Variants in C4BPA observed in about 807,000 individuals in gnomAD.
C4BPA encodes the protein complement component 4 binding protein alpha, also known as C4b-binding protein alpha chain.
Under a neutral mutation model 63.7 loss-of-function variants are expected in C4BPA, and 31 were observed. The observed-to-expected ratio is 0.49, with a 90% CI of 0.37 to 0.66. C4BPA has a LOEUF of 0.66. Among genes scored for constraint, C4BPA ranks in the 30% least tolerant of loss-of-function variants. C4BPA has a pLI of 0.00. For synonymous variants in C4BPA, 259 were observed against 254.7 expected, an observed-to-expected ratio of 1.02 and a Z score of -0.16; for missense variants, 572 against 723.3, an observed-to-expected ratio of 0.79 and a Z score of 2.40.
intron 9 of C4BPA, among the ~76,000 whole-genome samples, chr1:207,134,971 AG>A (rs1294953898): frequency 1.3e-5 from 2 of 152,202 alleles, no homozygotes; most frequent in African/African-American, 4.8e-5. Context: ...CTCAAACAGC[AG>A]CCTTCTGTTA....
intron 1 of C4BPA, among the ~76,000 whole-genome samples, chr1:207,109,096 G>A (rs1684615614): frequency 6.6e-6 from 1 of 152,110 alleles, no homozygotes; most frequent in Non-Finnish European, 1.5e-5. Context: ...TGAGGGCAAG[G>A]GAAGACAAAG....
chr1:207,135,245 G>A (rs1286328681), intron 9 of C4BPA, among the ~76,000 whole-genome samples: 2 of 152,184 alleles, frequency 1.3e-5, no homozygotes, highest in East Asian at 1.9e-4. Flanking sequence ...GGCTGAGGCA[G>A]GAGAATCACT....
rs572691165 is a variant in C4BPA, at chr1:207,110,082, G to C, written c.-25-2919G>C. Among the ~76,000 whole-genome samples the C allele has an allele frequency of 2.6e-5, 4 of 152,328 alleles. No individual in the cohort carries two copies. In the East Asian group the frequency reaches 7.7e-4, roughly 29 times the overall value. On this transcript the variant is annotated intron_variant, in intron 1 of 11. Coordinates refer to ENST00000367070, the MANE Select transcript of C4BPA (RefSeq NM_000715.4). The stretch of plus-strand genomic sequence containing the variant: ...TATTGTGGGGCAGAAATAAATGGGA[G>C]CATACTCTGTCATTTCAAGGATCTT...
At chr1:207,105,779 C>T (rs1022714166) in intron 1 of C4BPA, among the ~76,000 whole-genome samples, 5 of 152,076 alleles carry the variant, frequency 3.3e-5, no homozygotes, top group African/African-American at 1.2e-4. Flanking sequence ...AAAGTAACTT[C>T]TCATGGAAGG....
At chr1:207,107,905 A>T (rs1025690739) in intron 1 of C4BPA, among the ~76,000 whole-genome samples, 4 of 152,188 alleles carry the variant, frequency 2.6e-5, no homozygotes, top group Admixed American at 2.6e-4. Context: ...GACTCTGAAT[A>T]GTGCAAGGAG....
chr1:207,128,234 C>G (rs1639983371), intron 7 of C4BPA, among the ~76,000 whole-genome samples: 1 of 152,214 alleles, frequency 6.6e-6, no homozygotes, highest in Non-Finnish European at 1.5e-5. Flanking sequence ...TTCTCCCCAG[C>G]TCTGCGCTGT....
At position 207,144,536 on chromosome 1, in the gene C4BPA, T is replaced by C. The variant is rs1685490476; in HGVS notation, c.1621-8T>C. ...TTCTCAATCACACCCACCACTTATA[T>C]CTTTTAGGAGACCCCCGAAGGCTGT... On this transcript the variant is annotated splice_polypyrimidine_tract_variant and splice_region_variant and intron_variant, in intron 11 of 11. Coordinates refer to ENST00000367070, the MANE Select transcript of C4BPA (RefSeq NM_000715.4). 3 of 1,591,630 alleles carry C rather than the reference T, an allele frequency of 1.9e-6. No homozygotes were observed. Among genetic ancestry groups the C allele is most frequent in the African/African-American group, 1.4e-5 (1 of 73,442 alleles).
chr1:207,108,609 C>T (rs960697349), intron 1 of C4BPA, among the ~76,000 whole-genome samples: 2 of 152,016 alleles, frequency 1.3e-5, no homozygotes, highest in South Asian at 2.1e-4. Context: ...AAAACTTACA[C>T]GGAGGAAGGA....
At chr1:207,121,920 T>C (rs547540068) in intron 4 of C4BPA, among the ~76,000 whole-genome samples, 26 of 152,294 alleles carry the variant, frequency 1.7e-4, no homozygotes, top group African/African-American at 6.3e-4. Context: ...AACATTAATG[T>C]GAAATATTCA....
chr1:207,118,236 T>TATCTATC (rs1553256061), intron 4 of C4BPA, among the ~76,000 whole-genome samples: 75 of 150,176 alleles, frequency 5.0e-4, no homozygotes, highest in African/African-American at 1.7e-3. Context: ...TCTATCTATC[T>TATCTATC]ATCTATCTAT....
intron 1 of C4BPA, among the ~76,000 whole-genome samples, chr1:207,109,849 G>A (rs1250196113): frequency 6.6e-6 from 1 of 152,176 alleles, no homozygotes; most frequent in African/African-American, 2.4e-5. Flanking sequence ...AAAATTATTT[G>A]GGCCAGTTCT....
chr1:207,132,152 C>G (rs1685173718), intron 8 of C4BPA, among the ~76,000 whole-genome samples: 1 of 152,150 alleles, frequency 6.6e-6, no homozygotes, highest in Non-Finnish European at 1.5e-5. Flanking sequence ...TAACCAGCTG[C>G]AGGGTGACTT....
chr1:207,126,882 T>C lies in C4BPA; in HGVS notation c.876T>C (p.Pro292=). The change falls in exon 7 of 12, where the codon CCT becomes CCC. Residue 292 remains proline (P), a synonymous_variant. Coordinates refer to ENST00000367070, the MANE Select transcript of C4BPA (RefSeq NM_000715.4). ...DADSKWNPSP[P]ACEPNSCINL... ...ATAGCAAATGGAATCCTTCTCCTCC[T>C]GCTTGTGAGCCCAGTAAGTATGGAC... is the stretch of plus-strand genomic sequence containing the variant. 6 of 1,612,496 alleles carry C rather than the reference T, an allele frequency of 3.7e-6. No homozygotes were observed. The highest frequency in any genetic ancestry group is 5.1e-6 in the Non-Finnish European group (6 of 1,179,110).
chr1:207,121,531 T>G (rs1684922111), intron 4 of C4BPA, among the ~76,000 whole-genome samples: 1 of 152,096 alleles, frequency 6.6e-6, no homozygotes, highest in Non-Finnish European at 1.5e-5. Context: ...CTCCTGTATA[T>G]AACAGAGCTG....
At chr1:207,130,232 C>T in intron 7 of C4BPA, among the ~76,000 whole-genome samples, 1 of 152,090 alleles carries the variant, frequency 6.6e-6, no homozygotes. Flanking sequence ...TAAGGATAGC[C>T]TTCTAGTAAC....
At chr1:207,114,008 C>T (rs1362119861) in intron 2 of C4BPA, 92 bp from the exon 3 acceptor site, 10 of 1,072,598 alleles carry the variant, frequency 9.3e-6, no homozygotes, top group African/African-American at 4.8e-5. Context: ...TTGAAAAGAA[C>T]GATCCCTGCT....
intron 4 of C4BPA, among the ~76,000 whole-genome samples, chr1:207,118,322 A>T (rs1450575734): frequency 6.6e-6 from 1 of 152,090 alleles, no homozygotes. Context: ...GCATTAGTTC[A>T]TTCTCATGCT....
intron 10 of C4BPA, 39 bp from the exon 11 acceptor site, chr1:207,143,779 T>C (rs2102371242): frequency 1.4e-6 from 2 of 1,432,996 alleles, no homozygotes; most frequent in East Asian, 2.3e-5. Flanking sequence ...TCCTTCTTCA[T>C]AGATTTACAG....
chr1:207,116,544 G>A (rs1325643364), intron 4 of C4BPA, among the ~76,000 whole-genome samples: 4 of 135,474 alleles, frequency 3.0e-5, no homozygotes, highest in Non-Finnish European at 1.6e-5. Context: ...GTGTGTGTGT[G>A]TGTGTGTGTG....
Sources: gnomAD v4.1 joint callset for allele counts (sites outside exome capture counted in the v4.1 genomes callset) on GRCh38, gnomAD v4.1.1 for gene constraint, MANE v1.5 for transcripts, NCBI Gene and HGNC (gene_info 2026-07-23, HGNC 2026-07-21) for gene names.